F13A1: variants seen among roughly 807,000 people sequenced by gnomAD.
The protein encoded by F13A1 is coagulation factor XIII A chain.
Under a neutral mutation model 80.1 loss-of-function variants are expected in F13A1, and 47 were observed. The observed-to-expected ratio is 0.59, with a 90% confidence interval of 0.46 to 0.75. The LOEUF (loss-of-function observed/expected upper bound fraction) is 0.75, where lower values mean the gene tolerates loss of function less well. Among genes scored for constraint, F13A1 ranks in the 30% least tolerant of loss-of-function variants. The pLI is 0.00. For synonymous variants in F13A1, 349 were observed against 344.9 expected, an observed-to-expected ratio of 1.01 and a Z score of -0.13; for missense variants, 817 against 930.4, an observed-to-expected ratio of 0.88 and a Z score of 1.59.
At chr6:6,285,388 T>C (rs941667860) in intron 3 of F13A1, among the ~76,000 whole-genome samples, 2 of 152,210 alleles carry the variant, frequency 1.3e-5, no homozygotes, top group Admixed American at 6.5e-5. Context: ...TAGAGATTTG[T>C]AAACAGAATT....
At chr6:6,171,079 T>C (rs1237217735) in intron 12 of F13A1, among the ~76,000 whole-genome samples, 1 of 152,096 alleles carries the variant, frequency 6.6e-6, no homozygotes, top group Non-Finnish European at 1.5e-5. Context: ...ATTCTTTAAT[T>C]GGATTAAAGA....
At chr6:6,289,932 C>T (rs754109993) in intron 3 of F13A1, among the ~76,000 whole-genome samples, 2 of 152,074 alleles carry the variant, frequency 1.3e-5, no homozygotes, top group Non-Finnish European at 2.9e-5. Context: ...TTCTTGCCAT[C>T]AGTCACTCCC....
intron 3 of F13A1, among the ~76,000 whole-genome samples, chr6:6,279,843 A>C (rs545628446): frequency 6.6e-6 from 1 of 152,364 alleles, no homozygotes; most frequent in East Asian, 1.9e-4. Context: ...CAAAGGAAAA[A>C]GTTTAGCTGA....
chr6:6,289,593 G>A (rs1390437235), intron 3 of F13A1, among the ~76,000 whole-genome samples: 1 of 152,010 alleles, frequency 6.6e-6, no homozygotes, highest in East Asian at 1.9e-4. Flanking sequence ...TCCCCCTTGA[G>A]TCTCTTACTA....
rs78639283 is a variant in F13A1, at chr6:6,222,251, G to C, written c.974-80C>G. On this transcript the variant is annotated intron_variant, in intron 7 of 14. Coordinates refer to ENST00000264870, the MANE Select transcript of F13A1 (RefSeq NM_000129.4). Reference sequence around the variant, plus strand: ...GAGTGAAAAAACCCTTCTTGTAGGGGACTTTCTTCCTGACCCAACATGAAA... The same window carrying C: ...GAGTGAAAAAACCCTTCTTGTAGGGCACTTTCTTCCTGACCCAACATGAAA... The C allele has an allele frequency of 4.1e-4, 650 of 1,572,772 alleles. 4 individuals are homozygous for C. The African/African-American group carries it at 8.2e-3, about 20-fold the overall frequency.
At chr6:6,278,479 G>T (rs776686483) in intron 3 of F13A1, among the ~76,000 whole-genome samples, 15 of 152,194 alleles carry the variant, frequency 9.9e-5, no homozygotes, top group Non-Finnish European at 1.8e-4. Flanking sequence ...GCTTGAGGAG[G>T]CCAATGTGCC....
At chr6:6,184,257 A>G (rs1211357532) in intron 10 of F13A1, among the ~76,000 whole-genome samples, 1 of 152,246 alleles carries the variant, frequency 6.6e-6, no homozygotes, top group African/African-American at 2.4e-5. Flanking sequence ...TTTCATGGCT[A>G]GGAGCTGCTG....
rs552284537 is a variant in F13A1 at position 6,318,532 on chromosome 6, T to C, written c.130+3A>G. On this transcript the variant is annotated splice_donor_region_variant and intron_variant, in intron 2 of 14. Coordinates refer to ENST00000264870, the MANE Select transcript of F13A1 (RefSeq NM_000129.4). ...GTGGTGGGGAAGGGGGGTATGCTCA[T>C]ACCTTGCAGGTTGACGCCCCGGGGC... 4 of 1,613,100 alleles carry C rather than the reference T, an allele frequency of 2.5e-6. No homozygotes were observed. In the South Asian group the frequency reaches 3.3e-5, roughly 13 times the overall value.
chr6:6,217,761 C>T (rs1009871419), intron 8 of F13A1, among the ~76,000 whole-genome samples: 4 of 152,084 alleles, frequency 2.6e-5, no homozygotes, highest in African/African-American at 9.7e-5. Context: ...ATGTGTGAAA[C>T]ACCATATGAG....
At chr6:6,286,014 G>A (rs1033777550) in intron 3 of F13A1, among the ~76,000 whole-genome samples, 6 of 152,340 alleles carry the variant, frequency 3.9e-5, no homozygotes, top group East Asian at 1.9e-4. Flanking sequence ...GCTTCTAAGC[G>A]CTAGCAGGCC....
intron 3 of F13A1, among the ~76,000 whole-genome samples, chr6:6,283,791 C>T (rs895942477): frequency 1.3e-5 from 2 of 152,184 alleles, no homozygotes; most frequent in African/African-American, 2.4e-5. Context: ...GGATACCCTC[C>T]TGGTTGCCCT....
chr6:6,206,347 A>G (rs552467373), intron 8 of F13A1: 1 of 403,396 alleles, frequency 2.5e-6, no homozygotes, highest in South Asian at 1.9e-5. Context: ...CTAACGGTAT[A>G]TATGATGACT....
At chr6:6,177,017 A>G (rs1452836788) in intron 11 of F13A1, among the ~76,000 whole-genome samples, 1 of 152,152 alleles carries the variant, frequency 6.6e-6, no homozygotes, top group Non-Finnish European at 1.5e-5. Context: ...AGAGGAGAAA[A>G]CAACTGCACG....
At chr6:6,226,589 CT>C (rs1189553160) in intron 6 of F13A1, among the ~76,000 whole-genome samples, 7 of 152,186 alleles carry the variant, frequency 4.6e-5, no homozygotes, top group Non-Finnish European at 1.5e-5. Flanking sequence ...CTAGACCCCT[CT>C]TTTTGACTTG....
intron 6 of F13A1, among the ~76,000 whole-genome samples, chr6:6,233,313 T>C (rs1757376181): frequency 1.3e-5 from 2 of 152,116 alleles, no homozygotes; most frequent in South Asian, 4.1e-4. Context: ...AAGGCTACTA[T>C]GAACACCTTA....
chr6:6,308,606 C>CTTTTTTT (rs770570204), intron 2 of F13A1, among the ~76,000 whole-genome samples: 10 of 88,854 alleles, frequency 1.1e-4, no homozygotes, highest in Middle Eastern at 0.011. Flanking sequence ...AAAACACATT[C>CTTTTTTT]TTTTTTTTTT....
chr6:6,221,930 T>C (rs1757200845), intron 8 of F13A1, 103 bp downstream of exon 8: 1 of 1,335,956 alleles, frequency 7.5e-7, no homozygotes. Context: ...TGTTGAATGG[T>C]CCTCAAAATA....
At chr6:6,194,485 C>T (rs376543028) in intron 10 of F13A1, among the ~76,000 whole-genome samples, 2 of 152,200 alleles carry the variant, frequency 1.3e-5, no homozygotes, top group African/African-American at 4.8e-5. Flanking sequence ...GTTCTCTGCT[C>T]TTACTACCTG....
rs1174065844 is a variant in F13A1 at position 6,182,102 on chromosome 6, C to T, written c.1345G>A (p.Gly449Ser). The T allele has an allele frequency of 4.3e-6, 7 of 1,614,156 alleles. No homozygotes were observed. In the South Asian group the frequency reaches 7.7e-5, roughly 18 times the overall value. ...DLIYITAKKD[G>S]THVVENVDAT... ...TCCACATTTTCCACCACATGAGTGC[C>T]ATCTTTCTTAGCTGTAATGTAAATG... The change falls in exon 11 of 15, where the codon GGC becomes AGC. Residue 449 changes from glycine (G) to serine (S), a missense_variant. By Grantham distance (56) the Gly-to-Ser change is moderately conservative. Transcript: ENST00000264870.
Sources: gnomAD v4.1 joint callset for allele counts (sites outside exome capture counted in the v4.1 genomes callset) on GRCh38, gnomAD v4.1.1 for gene constraint, MANE v1.5 for transcripts, NCBI Gene and HGNC (gene_info 2026-07-23, HGNC 2026-07-21) for gene names.